FRK: variants seen among roughly 807,000 people sequenced by gnomAD.
FRK encodes tyrosine-protein kinase FRK.
Under a neutral mutation model 56.4 loss-of-function variants are expected in FRK, and 51 were observed. The ratio of observed to expected loss-of-function variants is 0.90; its 90% CI spans 0.72 to 1.14. FRK has a LOEUF of 1.14. Among genes scored for constraint, FRK ranks in the 50% most tolerant of loss-of-function variants. The pLI, the probability that FRK is intolerant of heterozygous loss-of-function variation, is 0.00. For missense variants in FRK, 570 were observed against 601.4 expected (o/e 0.95, Z 0.55); for synonymous variants, 245 against 217.9 (o/e 1.12, Z -1.10).
At chr6:116,033,638 G>A (rs1776372887) in intron 1 of FRK, among the ~76,000 whole-genome samples, 1 of 152,194 alleles carries the variant, frequency 6.6e-6, no homozygotes, top group Non-Finnish European at 1.5e-5. Context: ...GAGGAATTAA[G>A]TCAGAGAAGT....
chr6:115,959,947 A>T (rs184626680), intron 4 of FRK, among the ~76,000 whole-genome samples: 17 of 151,214 alleles, frequency 1.1e-4, no homozygotes, highest in Non-Finnish European at 3.0e-5. Context: ...TTTTTTCATG[A>T]TGTCTCTAAG....
chr6:115,963,109 C>G (rs1299312176), intron 4 of FRK, among the ~76,000 whole-genome samples: 1 of 11,756 alleles, frequency 8.5e-5, no homozygotes, highest in Non-Finnish European at 4.6e-4. Context: ...AATCCAGGAG[C>G]TGGTTCTTTG....
the FRK span, among the ~76,000 whole-genome samples, chr6:116,075,463 G>GA: frequency 9.5e-6 from 1 of 105,512 alleles, no homozygotes; most frequent in East Asian, 4.1e-4. Context: ...TAAGAGCTGG[G>GA]GGAAAAAAAA....
intron 2 of FRK, among the ~76,000 whole-genome samples, chr6:115,970,224 C>T (rs539043138): frequency 3.3e-5 from 5 of 152,062 alleles, no homozygotes; most frequent in African/African-American, 1.2e-4. Context: ...TTCCCACACA[C>T]AGTTGATGGA....
the FRK span, among the ~76,000 whole-genome samples, chr6:116,077,834 G>T: frequency 6.6e-6 from 1 of 152,168 alleles, no homozygotes; most frequent in Non-Finnish European, 1.5e-5. Flanking sequence ...TTATGCAACT[G>T]GATGTTGACA....
chr6:116,009,185 T>A (rs1775373581), intron 1 of FRK, among the ~76,000 whole-genome samples: 1 of 152,232 alleles, frequency 6.6e-6, no homozygotes, highest in Non-Finnish European at 1.5e-5. Context: ...ACTCAGTGAT[T>A]GGCACAAGAG....
At chr6:116,045,055 A>G (rs890481391) in intron 1 of FRK, among the ~76,000 whole-genome samples, 1 of 152,232 alleles carries the variant, frequency 6.6e-6, no homozygotes, top group African/African-American at 2.4e-5. Flanking sequence ...AAGGAGAACT[A>G]CAAACCACTG....
intron 2 of FRK, among the ~76,000 whole-genome samples, chr6:115,971,233 G>C (rs1314710410): frequency 1.3e-5 from 2 of 152,118 alleles, no homozygotes; most frequent in African/African-American, 4.8e-5. Context: ...TAAAGTAAAT[G>C]TTACCTAATT....
chr6:116,061,442 C>G (rs1777622475), upstream of FRK, among the ~76,000 whole-genome samples: 1 of 150,116 alleles, frequency 6.7e-6, no homozygotes, highest in African/African-American at 2.5e-5. Context: ...ACGCTACACA[C>G]CAACTAGGTG....
intron 5 of FRK, 59 bp from the exon 6 acceptor site, chr6:115,944,484 G>C (rs2114515107): frequency 7.4e-7 from 1 of 1,357,408 alleles, no homozygotes; most frequent in Middle Eastern, 2.7e-4. Context: ...CTATGAAAGT[G>C]AATTCTGAGA....
the FRK span, among the ~76,000 whole-genome samples, chr6:116,096,375 G>A: frequency 6.6e-6 from 1 of 152,196 alleles, no homozygotes; most frequent in Non-Finnish European, 1.5e-5. Flanking sequence ...CTAGCTAAAG[G>A]ATTGTAAATG....
chr6:115,943,929 T>G (rs902531852), intron 6 of FRK, among the ~76,000 whole-genome samples: 1 of 152,126 alleles, frequency 6.6e-6, no homozygotes, highest in Non-Finnish European at 1.5e-5. Context: ...CTGCACAAAG[T>G]GTACTGCTTT....
At chr6:116,095,241 C>T in the FRK span, among the ~76,000 whole-genome samples, 1 of 152,186 alleles carries the variant, frequency 6.6e-6, no homozygotes, top group African/African-American at 2.4e-5. Context: ...GAAAACGACA[C>T]CATGGGTATT....
chr6:115,988,672 G>A (rs945138459), intron 2 of FRK, among the ~76,000 whole-genome samples: 4 of 151,940 alleles, frequency 2.6e-5, no homozygotes, highest in Non-Finnish European at 5.9e-5. Context: ...AGTATGGAGG[G>A]AAGAGTTGAG....
chr6:116,073,888 C>T, the FRK span, among the ~76,000 whole-genome samples: 2 of 152,152 alleles, frequency 1.3e-5, no homozygotes, highest in African/African-American at 4.8e-5. Flanking sequence ...AGAGCTGACA[C>T]GAGAGTTCCA....
rs912760483 is a variant in FRK, at chr6:115,975,982, G to A, written c.467-7243C>T. ...TAACTTCTATATGGACTATACCACCGGTCACCTGATTATTTGGCAACCCTC... is the reference window on the plus strand; with the variant it reads ...TAACTTCTATATGGACTATACCACCAGTCACCTGATTATTTGGCAACCCTC... On this transcript the variant is annotated intron_variant, in intron 2 of 7. Coordinates refer to ENST00000606080, the MANE Select transcript of FRK (RefSeq NM_002031.3). Among the ~76,000 whole-genome samples, 9 of 151,988 alleles carry A rather than the reference G, an allele frequency of 5.9e-5. No individual in the cohort carries two copies. In the South Asian group the frequency reaches 8.3e-4, roughly 14 times the overall value.
chr6:115,971,818 T>C (rs902010591), intron 2 of FRK, among the ~76,000 whole-genome samples: 5 of 152,164 alleles, frequency 3.3e-5, no homozygotes, highest in African/African-American at 1.2e-4. Context: ...AGTGGAAACA[T>C]GGTATGGGTG....
chr6:115,952,815 C>T (rs1454348019), intron 5 of FRK, among the ~76,000 whole-genome samples: 3 of 151,268 alleles, frequency 2.0e-5, no homozygotes, highest in Admixed American at 6.6e-5. Context: ...AGTAAACCAT[C>T]GCAAGGACAA....
the FRK span, among the ~76,000 whole-genome samples, chr6:116,071,722 T>A: frequency 1.3e-5 from 2 of 152,198 alleles, no homozygotes; most frequent in African/African-American, 4.8e-5. Context: ...CTTCACTGAT[T>A]CAACAAATAT....
Sources: allele counts gnomAD v4.1 joint callset (sites outside exome capture counted in the v4.1 genomes callset), GRCh38; gene constraint gnomAD v4.1.1; transcripts MANE v1.5; gene names NCBI Gene and HGNC (gene_info 2026-07-23, HGNC 2026-07-21).